NEBL: variants seen among roughly 807,000 people sequenced by gnomAD.
The protein encoded by NEBL is LIM and SH3 protein 2.
In NEBL, 122 loss-of-function variants were observed where a neutral mutation model predicts 140.2. That is an observed-to-expected ratio of 0.87 (90% CI 0.75 to 1.01). The LOEUF is 1.01. NEBL is among the 50% of genes least tolerant of loss of function. The pLI, the probability that NEBL is intolerant of heterozygous loss-of-function variation, is 0.00. For synonymous variants in NEBL, 436 were observed against 398.9 expected, an observed-to-expected ratio of 1.09 and a Z score of -1.11; for missense variants, 1,365 against 1,231.3, an observed-to-expected ratio of 1.11 and a Z score of -1.62.
chr10:20,987,169 T>C (rs1199279984), intron 3 of NEBL, among the ~76,000 whole-genome samples: 7 of 152,100 alleles, frequency 4.6e-5, no homozygotes, highest in African/African-American at 1.2e-4. Context: ...TGGGTAAACC[T>C]ACAAACAAGA....
intron 19 of NEBL, 65 bp downstream of exon 19, chr10:20,823,143 T>C (rs527540875): frequency 1.1e-4 from 131 of 1,217,548 alleles, no homozygotes; most frequent in Non-Finnish European, 1.5e-4. Context: ...TGTACAGGTT[T>C]TATGCTGTCA....
At chr10:20,877,302 T>C (rs1313588445) in intron 5 of NEBL, among the ~76,000 whole-genome samples, 1 of 152,190 alleles carries the variant, frequency 6.6e-6, no homozygotes, top group Admixed American at 6.5e-5. Flanking sequence ...AGACATTAAG[T>C]AACTCATCCA....
rs5783757 is a variant in NEBL, at chr10:20,947,681, TCACACACACACA to T, written c.357+13979_357+13990del. Among the ~76,000 whole-genome samples, 12 of 144,280 alleles carry T rather than the reference TCACACACACACA, an allele frequency of 8.3e-5. No homozygotes were observed. In the East Asian group the frequency reaches 1.3e-3, roughly 15 times the overall value. 94.7% of individuals were successfully genotyped at this position (144,280 alleles called of 152,430 possible). ...AGCCATTGACATTTTTACTGAGAAA[TCACACACACACA>T]CACACACACACACACACACACACAG... On this transcript the variant is annotated intron_variant, in intron 4 of 6. Coordinates refer to the NEBL transcript ENST00000417816.
At chr10:20,863,302 A>T (rs1390521784) in intron 7 of NEBL, among the ~76,000 whole-genome samples, 3 of 152,230 alleles carry the variant, frequency 2.0e-5, no homozygotes, top group African/African-American at 7.2e-5. Flanking sequence ...GCAAAAAGCC[A>T]GCAAAGGCAC....
intron 11 of NEBL, among the ~76,000 whole-genome samples, chr10:20,849,554 A>T (rs1265695514): frequency 6.6e-6 from 1 of 152,114 alleles, no homozygotes; most frequent in Non-Finnish European, 1.5e-5. Context: ...TGATAAAAGG[A>T]TGAGTTTCCC....
At position 21,188,556 on chromosome 10, in the gene NEBL, C is replaced by A. The variant is rs1841516119; in HGVS notation, n.349-16079G>T. ...ATAATAGTTGCAAAATGTGAACATG[C>A]AAAAATGAAATTTAAACATGCAATT... is the stretch of plus-strand genomic sequence containing the variant. On this transcript the variant is annotated intron_variant and non_coding_transcript_variant, in intron 3 of 8. Coordinates refer to the NEBL transcript ENST00000675702. Among the ~76,000 whole-genome samples the A allele has an allele frequency of 2.7e-5, 4 of 148,210 alleles. No individual in the cohort carries two copies. The East Asian group carries it at 5.9e-4, about 22-fold the overall frequency.
chr10:21,151,460 A>G (rs1175818007), intron 2 of NEBL, among the ~76,000 whole-genome samples: 3 of 152,192 alleles, frequency 2.0e-5, no homozygotes, highest in Non-Finnish European at 4.4e-5. Context: ...GCACACACAC[A>G]AAAGTCCTTT....
chr10:20,858,949 A>T (rs1261793260), intron 8 of NEBL, among the ~76,000 whole-genome samples: 4 of 152,172 alleles, frequency 2.6e-5, no homozygotes, highest in Non-Finnish European at 4.4e-5. Flanking sequence ...ACATAGTAAT[A>T]CTTGATAAAA....
chr10:20,930,703 G>A (rs563496631), intron 4 of NEBL, among the ~76,000 whole-genome samples: 1 of 152,148 alleles, frequency 6.6e-6, no homozygotes, highest in South Asian at 2.1e-4. Context: ...TAAATAGACG[G>A]CTTCTACTTA....
chr10:20,809,839 T>C lies in NEBL; in HGVS notation c.2578A>G (p.Asn860Asp). 1 of 1,613,492 alleles carries C rather than the reference T, an allele frequency of 6.2e-7. No individual in the cohort carries two copies. The highest frequency in any genetic ancestry group is 8.5e-7 in the Non-Finnish European group (1 of 1,179,704). The change falls in exon 25 of 28, where the codon AAT becomes GAT. Residue 860 changes from asparagine (N) to aspartate (D), a missense_variant. Around this residue, in one of 2 missense-constraint regions of NEBL, gnomAD observed 1,323 missense variants for 1,154.8 expected, o/e 1.15. Coordinates refer to ENST00000377122, the MANE Select transcript of NEBL (RefSeq NM_006393.3). ...SIFDLDPLED[N>D]IQSRSLHMLS... ...ATATGGAGACTTCTAGACTGAATAT[T>C]GTCTTCCAGGGGATCAAGGTCGAAG...
intron 4 of NEBL, among the ~76,000 whole-genome samples, chr10:20,937,609 G>A (rs971478117): frequency 2.6e-5 from 4 of 152,168 alleles, no homozygotes; most frequent in African/African-American, 9.7e-5. Context: ...AGTGGGTGCA[G>A]TGCACCAAGC....
chr10:21,250,897 A>T (rs1279636087), intron 2 of NEBL, among the ~76,000 whole-genome samples: 2 of 152,178 alleles, frequency 1.3e-5, no homozygotes, highest in African/African-American at 2.4e-5. Flanking sequence ...CCATTTCAAA[A>T]AATAATAATA....
At chr10:20,854,039 T>A (rs1466551030) in intron 9 of NEBL, among the ~76,000 whole-genome samples, 1 of 152,162 alleles carries the variant, frequency 6.6e-6, no homozygotes, top group Non-Finnish European at 1.5e-5. Context: ...ATAACAATTA[T>A]AAATTAGAAA....
At chr10:20,990,509 T>TCAC in intron 3 of NEBL, among the ~76,000 whole-genome samples, 1 of 152,268 alleles carries the variant, frequency 6.6e-6, no homozygotes, top group East Asian at 1.9e-4. Flanking sequence ...AAGAGGGCCC[T>TCAC]CACCAGACAC....
intron 1 of NEBL, among the ~76,000 whole-genome samples, chr10:21,275,816 T>C (rs1271929111): frequency 6.8e-6 from 1 of 147,354 alleles, no homozygotes; most frequent in Non-Finnish European, 1.5e-5. Context: ...AATTTTTTTT[T>C]TTTTTTTTTT....
intron 5 of NEBL, among the ~76,000 whole-genome samples, chr10:20,880,230 G>A (rs1028906997): frequency 4.3e-4 from 66 of 151,994 alleles, no homozygotes; most frequent in African/African-American, 1.4e-3. Context: ...GTGTGGTGGT[G>A]GGCACCTGTA....
intron 4 of NEBL, among the ~76,000 whole-genome samples, chr10:20,931,029 G>A (rs10828156): frequency 0.64 from 97,400 of 151,832 alleles, 31,510 homozygotes; most frequent in Non-Finnish European, 0.67. Context: ...AGGCTTTCAG[G>A]AAAGACATCA....
At chr10:21,105,702 A>T (rs761220134) in intron 2 of NEBL, among the ~76,000 whole-genome samples, 3 of 152,188 alleles carry the variant, frequency 2.0e-5, no homozygotes, top group Non-Finnish European at 4.4e-5. Flanking sequence ...GTATATACCC[A>T]ATAAGGGGAT....
chr10:21,105,803 A>C (rs1348542836), intron 2 of NEBL, among the ~76,000 whole-genome samples: 1 of 152,182 alleles, frequency 6.6e-6, no homozygotes, highest in Non-Finnish European at 1.5e-5. Flanking sequence ...ACTCCCACCA[A>C]CCGTGTAAAA....
Sources: allele counts gnomAD v4.1 joint callset (sites outside exome capture counted in the v4.1 genomes callset), GRCh38; gene constraint gnomAD v4.1.1; regional missense constraint gnomAD v4.1.1; transcripts MANE v1.5; gene names NCBI Gene and HGNC (gene_info 2026-07-23, HGNC 2026-07-21).